The following VPS8 variants were observed in gnomAD, a reference collection of about 807,000 sequenced individuals.
The protein encoded by VPS8 is vacuolar protein sorting-associated protein 8 homolog.
Under a neutral mutation model 216.4 loss-of-function variants are expected in VPS8, and 129 were observed. The ratio of observed to expected loss-of-function variants is 0.60; its 90% confidence interval spans 0.52 to 0.69. The LOEUF (loss-of-function observed/expected upper bound fraction) is 0.69, where lower values mean the gene tolerates loss of function less well. VPS8 is among the 30% of genes least tolerant of loss of function. VPS8 has a pLI of 0.00. For synonymous variants in VPS8, 571 were observed against 565.4 expected (o/e 1.01, Z -0.14); for missense variants, 1,531 against 1,683.5 (o/e 0.91, Z 1.59).
In VPS8 at chr3:185,031,075, T is replaced by TTG. The variant is rs1553910818; in HGVS notation, c.4056+6687_4056+6688insGT. Reference sequence around the variant, plus strand: ...ATTACAGGTTGGCGTTTTTTTTTTTTTTTTTTTTTTTTTTTTAAGGGAAAA... The same window carrying TTG: ...ATTACAGGTTGGCGTTTTTTTTTTTTTGTTTTTTTTTTTTTTTTAAGGGAAAA... On this transcript the variant is annotated intron_variant, in intron 46 of 47. Coordinates refer to ENST00000625842, the MANE Select transcript of VPS8 (RefSeq NM_001009921.3). Among the ~76,000 whole-genome samples, 133 of 143,584 alleles carry TTG rather than the reference T, an allele frequency of 9.3e-4. 1 individual carries two copies. Among genetic ancestry groups the TTG allele is most frequent in the Middle Eastern group, 3.5e-3 (1 of 288 alleles). The allele number at this position is 143,584 out of a possible 152,430, so 94.2% of individuals were successfully genotyped here. A position where few individuals can be genotyped will look rare whatever the true frequency, so the allele number is the denominator to read the frequency against.
At chr3:184,942,296 G>C (rs192121791) in intron 36 of VPS8, among the ~76,000 whole-genome samples, 1 of 152,274 alleles carries the variant, frequency 6.6e-6, no homozygotes, top group African/African-American at 2.4e-5. Context: ...TTGTTCACCA[G>C]TAAACCACAG....
intron 42 of VPS8, among the ~76,000 whole-genome samples, chr3:184,991,960 G>A (rs937290220): frequency 3.3e-5 from 5 of 152,148 alleles, no homozygotes; most frequent in African/African-American, 1.2e-4. Context: ...ATGTGTTCAA[G>A]CCCAAACTTG....
At chr3:184,934,825 T>C (rs934846052) in intron 34 of VPS8, among the ~76,000 whole-genome samples, 2 of 152,212 alleles carry the variant, frequency 1.3e-5, no homozygotes, top group Admixed American at 6.5e-5. Flanking sequence ...TTTTGTCCTA[T>C]TGGGTTTAAG....
intron 29 of VPS8, among the ~76,000 whole-genome samples, chr3:184,920,808 T>G (rs1738481124): frequency 6.6e-6 from 1 of 152,236 alleles, no homozygotes; most frequent in Non-Finnish European, 1.5e-5. Flanking sequence ...TTTTGTTCAT[T>G]TGGCTGTAAA....
intron 40 of VPS8, among the ~76,000 whole-genome samples, chr3:184,975,903 T>A (rs1749181479): frequency 1.3e-5 from 2 of 152,156 alleles, no homozygotes; most frequent in African/African-American, 4.8e-5. Flanking sequence ...TCACACTTAA[T>A]CATGGCGTAT....
rs1388161829 is a variant in VPS8, at chr3:184,894,816, C to T, written c.1895C>T (p.Thr632Ile). ...TTAAGTGATAAATTGGTGGGAATCA[C>T]ACCCCAAGTAATGAAAGACTTGATT... ...YILSDKLVGITPQVMKDLIVH... is the reference protein window; with the variant it reads ...YILSDKLVGIIPQVMKDLIVH... The change falls in exon 23 of 48, where the codon ACA becomes ATA. Residue 632 changes from threonine to isoleucine, a missense_variant. Thr to Ile is a moderately conservative substitution (Grantham distance 89). Transcript: ENST00000625842. 9.3e-6 allele frequency: 15 copies of T among 1,610,626 alleles called. No homozygotes were observed. Among genetic ancestry groups the T allele is most frequent in the Non-Finnish European group, 1.3e-5 (15 of 1,178,232 alleles).
intron 40 of VPS8, among the ~76,000 whole-genome samples, chr3:184,979,990 G>A (rs1749930048): frequency 6.6e-6 from 1 of 152,078 alleles, no homozygotes; most frequent in African/African-American, 2.4e-5. Flanking sequence ...CATGTCTGGT[G>A]GTAACGAATT....
At chr3:184,874,538 T>G (rs1293987054) in intron 21 of VPS8, among the ~76,000 whole-genome samples, 1 of 152,158 alleles carries the variant, frequency 6.6e-6, no homozygotes, top group Admixed American at 6.5e-5. Context: ...TAATGAAGAT[T>G]AACATCAAGA....
At chr3:184,875,141 A>G (rs1308841199) in intron 21 of VPS8, among the ~76,000 whole-genome samples, 2 of 149,622 alleles carry the variant, frequency 1.3e-5, no homozygotes, top group African/African-American at 4.9e-5. Flanking sequence ...GACATAAGTA[A>G]CCTCTAATTC....
At chr3:184,836,782 T>C (rs1721171677) in intron 5 of VPS8, among the ~76,000 whole-genome samples, 1 of 152,204 alleles carries the variant, frequency 6.6e-6, no homozygotes, top group Non-Finnish European at 1.5e-5. Flanking sequence ...TTATTAGGGC[T>C]GTTTGGGGCC....
At chr3:184,831,698 T>C (rs1287675559) in intron 3 of VPS8, among the ~76,000 whole-genome samples, 1 of 152,210 alleles carries the variant, frequency 6.6e-6, no homozygotes, top group Non-Finnish European at 1.5e-5. Context: ...CCATCCGTAC[T>C]CCTACTCAAC....
chr3:184,966,333 A>T (rs1321978753), intron 38 of VPS8, among the ~76,000 whole-genome samples: 1 of 152,190 alleles, frequency 6.6e-6, no homozygotes, highest in Non-Finnish European at 1.5e-5. Flanking sequence ...CCACCTTCCA[A>T]TATTGGGAAT....
chr3:184,838,761 A>G lies in VPS8; in HGVS notation c.480+15A>G, dbSNP rs1387997142. 1 of 1,539,398 alleles carries G rather than the reference A, an allele frequency of 6.5e-7. No individual in the cohort carries two copies. The highest frequency in any genetic ancestry group is 8.8e-7 in the Non-Finnish European group (1 of 1,141,472). ...CTACAGCAATTGTAAGTATACTTTA[A>G]CTTTTTAAAGGTAAGTTTTCTATTT... On this transcript the variant is annotated intron_variant, in intron 6 of 47. Coordinates refer to ENST00000625842, the MANE Select transcript of VPS8 (RefSeq NM_001009921.3).
intron 21 of VPS8, among the ~76,000 whole-genome samples, chr3:184,879,418 G>C (rs1172668934): frequency 6.6e-6 from 1 of 152,024 alleles, no homozygotes; most frequent in Non-Finnish European, 1.5e-5. Flanking sequence ...GCAAGCTTTT[G>C]AGACTGAGTA....
At chr3:184,940,871 G>T (rs1742555389) in intron 36 of VPS8, among the ~76,000 whole-genome samples, 2 of 152,322 alleles carry the variant, frequency 1.3e-5, no homozygotes, top group East Asian at 1.9e-4. Flanking sequence ...TACATTGGGA[G>T]TTGAGGGCAG....
At chr3:185,025,063 A>G (rs1422059003) in intron 46 of VPS8, among the ~76,000 whole-genome samples, 2 of 152,174 alleles carry the variant, frequency 1.3e-5, no homozygotes. Flanking sequence ...GCCTAAAAAA[A>G]CTGGCCTGAG....
chr3:184,875,451 A>G (rs1198844538), intron 21 of VPS8, among the ~76,000 whole-genome samples: 1 of 152,148 alleles, frequency 6.6e-6, no homozygotes, highest in African/African-American at 2.4e-5. Flanking sequence ...ACCTATAATT[A>G]TAATTTATTT....
chr3:185,040,952 C>T lies in VPS8; in HGVS notation c.4057-7527C>T, dbSNP rs1711505842. On this transcript the variant is annotated intron_variant, in intron 46 of 47. Transcript: ENST00000625842. The stretch of plus-strand genomic sequence containing the variant: ...GCGCGGTGGCTCATGCCTGTAATCC[C>T]AGCACTTTGGGAGGCCAAGGCGGGC... Among the ~76,000 whole-genome samples, 4 of 152,234 alleles carry T rather than the reference C, an allele frequency of 2.6e-5. No individual in the cohort carries two copies. In the South Asian group the frequency reaches 6.2e-4, roughly 24 times the overall value.
rs1353195851 is a variant in VPS8 at position 184,849,215 on chromosome 3, T to A, written c.666+20T>A. The A allele has an allele frequency of 6.2e-7, 1 of 1,606,006 alleles. No individual in the cohort carries two copies. Among genetic ancestry groups the A allele is most frequent in the Middle Eastern group, 1.7e-4 (1 of 6,010 alleles). ...GGACAGGTAAGATATGAACCTCCTTTAATTCATAAGACAATGTTAAAACAA... is the reference window on the plus strand; with the variant it reads ...GGACAGGTAAGATATGAACCTCCTTAAATTCATAAGACAATGTTAAAACAA... On this transcript the variant is annotated intron_variant, in intron 9 of 47. Coordinates refer to ENST00000625842, the MANE Select transcript of VPS8 (RefSeq NM_001009921.3).
Sources: allele counts gnomAD v4.1 joint callset (sites outside exome capture counted in the v4.1 genomes callset), GRCh38; gene constraint gnomAD v4.1.1; transcripts MANE v1.5; gene names NCBI Gene and HGNC (gene_info 2026-07-23, HGNC 2026-07-21).